ATAD3C: variants seen among roughly 807,000 people sequenced by gnomAD.
The protein encoded by ATAD3C is ATPase family AAA domain containing 3C, also known as ATPase family AAA domain-containing protein 3C.
A neutral mutation model predicts 46.3 loss-of-function variants in ATAD3C; 38 were observed. The ratio of observed to expected loss-of-function variants is 0.82; its 90% CI spans 0.63 to 1.08. ATAD3C has a LOEUF of 1.08. ATAD3C is among the 50% of genes least tolerant of loss of function. The pLI, the probability that ATAD3C is intolerant of heterozygous loss-of-function variation, is 0.00. For synonymous variants in ATAD3C, 220 were observed against 236.4 expected, an observed-to-expected ratio of 0.93 and a Z score of 0.63; for missense variants, 563 against 572.7, an observed-to-expected ratio of 0.98 and a Z score of 0.17.
intron 8 of ATAD3C, among the ~76,000 whole-genome samples, 189 bp downstream of exon 8, chr1:1,457,369 T>G (rs1413585961): frequency 6.6e-6 from 1 of 151,662 alleles, no homozygotes; most frequent in African/African-American, 2.4e-5. Flanking sequence ...CCGAGGCAAG[T>G]GGATCACGAG....
chr1:1,454,538 C>T, intron 4 of ATAD3C, 38 bp downstream of exon 4: 3 of 1,589,354 alleles, frequency 1.9e-6, no homozygotes, highest in Non-Finnish European at 2.6e-6. Flanking sequence ...AGTGCAAGTG[C>T]CTGGCTGAGT....
chr1:1,465,862 T>C lies in ATAD3C; in HGVS notation c.1090-2522T>C, dbSNP rs1489412011. Among the ~76,000 whole-genome samples, 3 of 152,092 alleles carry C rather than the reference T, an allele frequency of 2.0e-5. No homozygotes were observed. In the East Asian group the frequency reaches 5.8e-4, roughly 29 times the overall value. ...ATGTGGAATAGAAGCAGTAAAGCATTCTTGCCTGGTTCCTTACTCAGAGGA... is the reference window on the plus strand; with the variant it reads ...ATGTGGAATAGAAGCAGTAAAGCATCCTTGCCTGGTTCCTTACTCAGAGGA... On this transcript the variant is annotated intron_variant, in intron 11 of 11. Transcript: ENST00000378785.
intron 11 of ATAD3C, among the ~76,000 whole-genome samples, chr1:1,464,498 C>T (rs1639116988): frequency 4.0e-5 from 6 of 151,834 alleles, no homozygotes; most frequent in Admixed American, 3.3e-4. Flanking sequence ...GTGCCGGGCA[C>T]GGTGGCTCAC....
intron 11 of ATAD3C, among the ~76,000 whole-genome samples, chr1:1,466,907 G>A (rs1639154037): frequency 1.3e-5 from 2 of 152,002 alleles, no homozygotes; most frequent in South Asian, 2.1e-4. Flanking sequence ...TCTTCAATTT[G>A]TCCAAGAGTT....
At chr1:1,466,293 A>T (rs1639141154) in intron 11 of ATAD3C, among the ~76,000 whole-genome samples, 1 of 151,276 alleles carries the variant, frequency 6.6e-6, no homozygotes, top group Non-Finnish European at 1.5e-5. Context: ...CACGCCTGTA[A>T]TCCCAGCATA....
rs552267118 is a variant in ATAD3C, at chr1:1,450,632, C to T, written c.-52C>T. The T allele has an allele frequency of 1.1e-5, 17 of 1,575,388 alleles. No individual in the cohort carries two copies. The East Asian group carries it at 1.9e-4, about 17-fold the overall frequency. Reference sequence around the variant, plus strand: ...TTGGCTGGTGTGCGTGCCTGCCCAGCGGCATCCGTGTATCCTAACACCTGC... The same window carrying T: ...TTGGCTGGTGTGCGTGCCTGCCCAGTGGCATCCGTGTATCCTAACACCTGC... On this transcript the variant is annotated 5_prime_UTR_variant, in exon 1 of 12. Transcript: ENST00000378785.
In ATAD3C at chr1:1,450,386, T is replaced by C; in HGVS notation, c.-298T>C. 1 of 373,924 alleles carries C rather than the reference T, an allele frequency of 2.7e-6. No individual in the cohort carries two copies. Among genetic ancestry groups the C allele is most frequent in the Non-Finnish European group, 5.0e-6 (1 of 201,952 alleles). The allele number at this position is 373,924 out of a possible 1,614,324, so 23.2% of individuals were successfully genotyped here. ...ATGGACACTTTAGCCATCGCCTGAC[T>C]TTCTGTTGAATTGGGAAAGAGCCTC... On this transcript the variant is annotated 5_prime_UTR_variant, in exon 1 of 12. Coordinates refer to ENST00000378785, the MANE Select transcript of ATAD3C (RefSeq NM_001039211.3).
intron 3 of ATAD3C, among the ~76,000 whole-genome samples, chr1:1,453,643 AT>A (rs70949591): frequency 9.0e-4 from 128 of 142,718 alleles, no homozygotes; most frequent in Non-Finnish European, 1.3e-3. Flanking sequence ...GGCATAAACC[AT>A]TTTTTTTTTT....
chr1:1,454,063 G>A (rs1638908189), intron 3 of ATAD3C, among the ~76,000 whole-genome samples: 1 of 152,068 alleles, frequency 6.6e-6, no homozygotes, highest in Non-Finnish European at 1.5e-5. Context: ...ATCCAGCTGG[G>A]TCTGCCCAGG....
In ATAD3C at chr1:1,469,856, AC is replaced by A. The variant is rs1449418833; in HGVS notation, c.*1327del. On this transcript the variant is annotated 3_prime_UTR_variant, in exon 12 of 12. Coordinates refer to ENST00000378785, the MANE Select transcript of ATAD3C (RefSeq NM_001039211.3). ...GATGGCCTGAAGCAACTGAAGATCC[AC>A]AAAATAAGTGAAAAGAGCCTTAACT... is the stretch of plus-strand genomic sequence containing the variant. 4 of 151,958 alleles carry A rather than the reference AC, an allele frequency of 2.6e-5. No individual in the cohort carries two copies. Among genetic ancestry groups the A allele is most frequent in the African/African-American group, 9.7e-5 (4 of 41,314 alleles). 9.4% of individuals were successfully genotyped at this position (151,958 alleles called of 1,614,324 possible).
intron 7 of ATAD3C, 60 bp from the exon 8 acceptor site, chr1:1,457,069 G>A (rs1638974113): frequency 1.2e-5 from 19 of 1,607,900 alleles, no homozygotes; most frequent in African/African-American, 2.7e-5. Flanking sequence ...ATGGCCGGAC[G>A]CCGCTGTGGG....
chr1:1,468,457 A>G lies in ATAD3C; in HGVS notation c.1163A>G (p.Gln388Arg), dbSNP rs1639181190. 2.5e-6 allele frequency: 4 copies of G among 1,612,764 alleles called. No homozygotes were observed. Among genetic ancestry groups the G allele is most frequent in the Middle Eastern group, 1.6e-4 (1 of 6,080 alleles). ...MMDACVQDFV[Q>R]QHQQMMRWLK... is the part of the protein sequence containing the mutation. ...GACGCCTGCGTGCAAGACTTTGTCC[A>G]GCAGCACCAGCAGATGATGCGCTGG... The change falls in exon 12 of 12, where the codon CAG becomes CGG. Residue 388 changes from glutamine (Q) to arginine (R), a missense_variant. By Grantham distance (43) the Gln-to-Arg change is conservative. Transcript: ENST00000378785.
intron 8 of ATAD3C, among the ~76,000 whole-genome samples, chr1:1,458,836 C>T (rs1639009875): frequency 6.6e-6 from 1 of 151,662 alleles, no homozygotes; most frequent in Non-Finnish European, 1.5e-5. Flanking sequence ...GATTCTCGTG[C>T]CTCAGCCTCC....
chr1:1,467,273 C>T (rs572565120), intron 11 of ATAD3C, among the ~76,000 whole-genome samples: 3 of 152,172 alleles, frequency 2.0e-5, no homozygotes, highest in South Asian at 4.2e-4. Flanking sequence ...TGCAGCCACT[C>T]GGGTGGACCC....
In ATAD3C at chr1:1,468,823, G is replaced by T. The variant is rs992916218; in HGVS notation, c.*293G>T. On this transcript the variant is annotated 3_prime_UTR_variant, in exon 12 of 12. Transcript: ENST00000378785. ...CCGGGTGCCCGTGCCCCATCCTGAG[G>T]CCGTGCATACGCGGGTGCCCCTTCG... is the stretch of plus-strand genomic sequence containing the variant. The T allele has an allele frequency of 4.5e-6, 2 of 445,630 alleles. No homozygotes were observed. The highest frequency in any genetic ancestry group is 8.1e-6 in the Non-Finnish European group (2 of 247,492). 27.6% of individuals were successfully genotyped at this position (445,630 alleles called of 1,614,324 possible).
rs746914867 is a variant in ATAD3C, at chr1:1,460,803, A to ATGCC, written c.870_873dup (p.Ile292LeufsTer25). The ATGCC allele has an allele frequency of 4.3e-6, 7 of 1,612,700 alleles. No homozygotes were observed. The South Asian group carries it at 6.6e-5, about 15-fold the overall frequency. On this transcript the variant is annotated frameshift_variant, in exon 10 of 12. Transcript: ENST00000378785. LOFTEE classifies it high-confidence loss of function. The stretch of plus-strand genomic sequence containing the variant: ...CCCGAGCAGTTCGACTGGGCCATCA[A>ATGCC]TGCCTGCATCGACGTGATGGTCCAC...
At chr1:1,452,162 C>T (rs775009391) in intron 2 of ATAD3C, 40 bp downstream of exon 2, 3 of 1,608,432 alleles carry the variant, frequency 1.9e-6, no homozygotes, top group Non-Finnish European at 2.5e-6. Flanking sequence ...CAGATGGAGC[C>T]CCCACAGGTG....
In ATAD3C at chr1:1,454,509, G is replaced by T; in HGVS notation, c.378+9G>T. ...TGCGGCACCCCATCCAGGTAGCGGC[G>T]CAGGCCTGGCCCTCCCTGAGTGCAA... On this transcript the variant is annotated intron_variant, in intron 4 of 11. Coordinates refer to ENST00000378785, the MANE Select transcript of ATAD3C (RefSeq NM_001039211.3). 1.2e-6 allele frequency: 2 copies of T among 1,604,468 alleles called. No homozygotes were observed. Among genetic ancestry groups the T allele is most frequent in the African/African-American group, 2.7e-5 (2 of 73,870 alleles).
chr1:1,452,348 C>T lies in ATAD3C; in HGVS notation c.153-17C>T. On this transcript the variant is annotated splice_polypyrimidine_tract_variant and intron_variant, in intron 2 of 11. Coordinates refer to ENST00000378785, the MANE Select transcript of ATAD3C (RefSeq NM_001039211.3). Reference sequence around the variant, plus strand: ...GTCTTTGTTTCCCTCCTGGTCACACCACTGCTTTCCCCACAGGGCGGCTGG... The same window carrying T: ...GTCTTTGTTTCCCTCCTGGTCACACTACTGCTTTCCCCACAGGGCGGCTGG... 6.2e-7 allele frequency: 1 copy of T among 1,613,780 alleles called. No homozygotes were observed. Among genetic ancestry groups the T allele is most frequent in the Non-Finnish European group, 8.5e-7 (1 of 1,179,746 alleles).
Sources: allele counts gnomAD v4.1 joint callset (sites outside exome capture counted in the v4.1 genomes callset), GRCh38; gene constraint gnomAD v4.1.1; transcripts MANE v1.5; gene names NCBI Gene and HGNC (gene_info 2026-07-23, HGNC 2026-07-21).